The following EFCAB6 variants were observed in gnomAD, a reference collection of about 807,000 sequenced individuals.
EFCAB6 encodes EF-hand calcium binding domain 6.
Under a neutral mutation model 169.8 loss-of-function variants are expected in EFCAB6, and 156 were observed. The observed-to-expected ratio is 0.92, with a 90% CI of 0.81 to 1.05. The LOEUF (loss-of-function observed/expected upper bound fraction) is 1.05, where lower values mean the gene tolerates loss of function less well. Ranked by LOEUF, EFCAB6 falls within the 50% of genes least tolerant of loss-of-function variation. The pLI, the probability that EFCAB6 is intolerant of heterozygous loss-of-function variation, is 0.00. For synonymous variants in EFCAB6, 698 were observed against 676.4 expected, an observed-to-expected ratio of 1.03 and a Z score of -0.50; for missense variants, 1,800 against 1,829.1, an observed-to-expected ratio of 0.98 and a Z score of 0.29.
chr22:43,570,184 A>G (rs1369856068), intron 26 of EFCAB6: 1 of 152,184 alleles, frequency 6.6e-6, no homozygotes, highest in Non-Finnish European at 1.5e-5. Context: ...TAGAGATTGT[A>G]TATTTCCACG....
At chr22:43,660,361 G>A (rs9614255) in intron 17 of EFCAB6, among the ~76,000 whole-genome samples, 36,013 of 151,902 alleles carry the variant, frequency 0.24, 5,322 homozygotes, top group East Asian at 0.61. Flanking sequence ...CATGCTAAGT[G>A]TACAACAGGC....
chr22:43,622,039 A>G (rs564924832), intron 20 of EFCAB6, among the ~76,000 whole-genome samples: 1 of 152,318 alleles, frequency 6.6e-6, no homozygotes, highest in East Asian at 1.9e-4. Flanking sequence ...ATTTATAGGT[A>G]CAAGCCTTCC....
At chr22:43,672,449 C>G (rs575149404) in intron 13 of EFCAB6, 144 bp from the exon 14 acceptor site, 1 of 720,782 alleles carries the variant, frequency 1.4e-6, no homozygotes, top group Admixed American at 2.8e-5. Flanking sequence ...GGAGCTTGCC[C>G]TCTAATACCC....
At chr22:43,808,648 GCAAAAA>G (rs549009066) in intron 2 of EFCAB6, among the ~76,000 whole-genome samples, 300 of 152,034 alleles carry the variant, frequency 2.0e-3, no homozygotes, top group African/African-American at 6.1e-3. Context: ...AGAGCATTGG[GCAAAAA>G]CAAAAACAAA....
At chr22:43,782,612 T>G (rs1188505659) in intron 2 of EFCAB6, among the ~76,000 whole-genome samples, 1 of 152,190 alleles carries the variant, frequency 6.6e-6, no homozygotes, top group Non-Finnish European at 1.5e-5. Flanking sequence ...ACTCATTTCT[T>G]TGGTAGGCAG....
At chr22:43,678,813 A>G (rs1490099268) in intron 12 of EFCAB6, among the ~76,000 whole-genome samples, 1 of 152,240 alleles carries the variant, frequency 6.6e-6, no homozygotes, top group Non-Finnish European at 1.5e-5. Flanking sequence ...GGGTAAATAA[A>G]GAACCTTTAC....
chr22:43,692,409 A>T (rs1368522207), intron 10 of EFCAB6, among the ~76,000 whole-genome samples: 4 of 152,234 alleles, frequency 2.6e-5, no homozygotes, highest in Non-Finnish European at 5.9e-5. Flanking sequence ...GTGAAAATCA[A>T]CTGAGATAAC....
chr22:43,532,133 T>G (rs2047105422), intron 30 of EFCAB6: 1 of 151,532 alleles, frequency 6.6e-6, no homozygotes, highest in African/African-American at 2.4e-5. Context: ...GGTGCAGGGA[T>G]TTGAGGAGTG....
chr22:43,626,942 A>T (rs1180896382), intron 19 of EFCAB6, among the ~76,000 whole-genome samples: 2 of 152,152 alleles, frequency 1.3e-5, no homozygotes, highest in Non-Finnish European at 2.9e-5. Context: ...GGAACAGGCC[A>T]CTTTTCTTTT....
chr22:43,698,625 G>T (rs143776339), intron 10 of EFCAB6, among the ~76,000 whole-genome samples: 2 of 152,278 alleles, frequency 1.3e-5, no homozygotes, highest in South Asian at 2.1e-4. Flanking sequence ...TACAGAGTTG[G>T]CTAAGAGGAA....
intron 10 of EFCAB6, among the ~76,000 whole-genome samples, chr22:43,699,339 A>G (rs2058686119): frequency 6.6e-6 from 1 of 152,004 alleles, no homozygotes; most frequent in Non-Finnish European, 1.5e-5. Context: ...TCTCCCTAAG[A>G]CCTCATCCCC....
intron 3 of EFCAB6, 111 bp downstream of exon 3, chr22:43,782,069 T>A: frequency 9.1e-7 from 1 of 1,101,436 alleles, no homozygotes; most frequent in Non-Finnish European, 1.3e-6. Context: ...ATTCATAGAG[T>A]TATTGTGAGG....
chr22:43,667,058 G>A (rs12628197), intron 17 of EFCAB6, 46 bp downstream of exon 17: 246,679 of 1,580,708 alleles, frequency 0.16, 19,979 homozygotes, highest in South Asian at 0.22. Context: ...TAAGAAAACA[G>A]CTGAACTTCT....
At chr22:43,730,087 C>T (rs182655875) in intron 8 of EFCAB6, among the ~76,000 whole-genome samples, 137 of 149,006 alleles carry the variant, frequency 9.2e-4, no homozygotes, top group Non-Finnish European at 1.2e-3. Flanking sequence ...TTGCTTGTGC[C>T]CAAAGTGCTG....
At chr22:43,633,125 C>T (rs1179561225) in intron 18 of EFCAB6, among the ~76,000 whole-genome samples, 3 of 152,178 alleles carry the variant, frequency 2.0e-5, no homozygotes, top group South Asian at 2.1e-4. Flanking sequence ...GTCCCCGGCT[C>T]GCCTGGGAGG....
Position 43,615,830 on chromosome 22 carries a change from G to A in EFCAB6, c.2558C>T (p.Ser853Phe). Residue 853 changes from serine (S) to phenylalanine (F), a missense_variant, in exon 21 of 32, where the codon TCT (serine) becomes TTT (phenylalanine). Transcript: ENST00000262726. ...AGGAAATAATCATTTTCTTACCTTA[G>A]ACAAGTCTGACCATCTGTTTTTTGC... Reference protein sequence around the residue: ...TKAKNRWSDLSKNFLETDNEG... With the variant: ...TKAKNRWSDLFKNFLETDNEG... The A allele has an allele frequency of 6.2e-7, 1 of 1,611,986 alleles. No homozygotes were observed. Among genetic ancestry groups the A allele is most frequent in the South Asian group, 1.1e-5 (1 of 90,840 alleles).
At chr22:43,702,585 C>G (rs981036953) in intron 10 of EFCAB6, among the ~76,000 whole-genome samples, 4 of 152,176 alleles carry the variant, frequency 2.6e-5, no homozygotes, top group Non-Finnish European at 2.9e-5. Context: ...TCCTGGCATT[C>G]CAAGATGCTT....
intron 17 of EFCAB6, among the ~76,000 whole-genome samples, chr22:43,650,474 ACTT>A (rs2148052126): frequency 6.6e-6 from 1 of 152,274 alleles, no homozygotes; most frequent in African/African-American, 2.4e-5. Flanking sequence ...GTCCAGTTAA[ACTT>A]CTTTCTTTTG....
intron 22 of EFCAB6, among the ~76,000 whole-genome samples, chr22:43,608,103 C>T (rs2147620602): frequency 6.6e-6 from 1 of 152,282 alleles, no homozygotes; most frequent in South Asian, 2.1e-4. Flanking sequence ...AACTCCTTTT[C>T]CCTTTACCCA....
Sources: allele counts gnomAD v4.1 joint callset (sites outside exome capture counted in the v4.1 genomes callset), GRCh38; gene constraint gnomAD v4.1.1; transcripts MANE v1.5; gene names NCBI Gene and HGNC (gene_info 2026-07-23, HGNC 2026-07-21).